Variants in LPP observed in about 807,000 individuals in gnomAD.
The protein encoded by LPP is lipoma-preferred partner.
A neutral mutation model predicts 60.4 loss-of-function variants in LPP; 38 were observed. The observed-to-expected ratio is 0.63, with a 90% CI of 0.49 to 0.83. The LOEUF is 0.83. Ranked by LOEUF, LPP falls within the 40% of genes least tolerant of loss-of-function variation. LPP has a pLI of 0.00. For missense variants in LPP, 902 were observed against 783.6 expected (o/e 1.15, Z -1.80); for synonymous variants, 328 against 290.8 (o/e 1.13, Z -1.30).
chr3:188,712,394 C>G (rs533538411), intron 8 of LPP: 2 of 152,240 alleles, frequency 1.3e-5, no homozygotes, highest in African/African-American at 4.8e-5. Flanking sequence ...AAGAGAGTCA[C>G]AGATGTCAAG....
At chr3:188,640,276 C>G (rs1849781526) in intron 7 of LPP, among the ~76,000 whole-genome samples, 1 of 150,142 alleles carries the variant, frequency 6.7e-6, no homozygotes, top group African/African-American at 2.5e-5. Context: ...GAACAAAAAA[C>G]CAAACACCAC....
intron 8 of LPP, among the ~76,000 whole-genome samples, chr3:188,739,448 G>A (rs948938201): frequency 1.3e-5 from 2 of 152,022 alleles, no homozygotes; most frequent in African/African-American, 4.8e-5. Context: ...CATAGAGATT[G>A]GAAAACATGG....
chr3:188,500,818 G>A (rs970097872), intron 5 of LPP, among the ~76,000 whole-genome samples: 4 of 151,950 alleles, frequency 2.6e-5, no homozygotes, highest in East Asian at 1.9e-4. Flanking sequence ...CTGGGTTATC[G>A]AATTTTTTGC....
At chr3:188,862,741 G>A (rs201783802) in intron 9 of LPP, among the ~76,000 whole-genome samples, 24,111 of 100,764 alleles carry the variant, frequency 0.24, 3,816 homozygotes, top group East Asian at 0.79. Context: ...ATAAATAAAA[G>A]AAAAAAGAAA....
chr3:188,353,729 G>C (rs1766652135), intron 3 of LPP, among the ~76,000 whole-genome samples: 1 of 152,156 alleles, frequency 6.6e-6, no homozygotes, highest in Non-Finnish European at 1.5e-5. Context: ...GGGGCCTCAG[G>C]TTTAAATGCT....
chr3:188,645,567 A>C (rs1239701072), intron 7 of LPP, among the ~76,000 whole-genome samples: 2 of 152,104 alleles, frequency 1.3e-5, no homozygotes, highest in African/African-American at 4.8e-5. Context: ...TTTCATTAGG[A>C]GACAAATGCG....
intron 1 of LPP, among the ~76,000 whole-genome samples, chr3:188,164,507 C>T (rs1489641396): frequency 6.6e-6 from 1 of 152,170 alleles, no homozygotes; most frequent in African/African-American, 2.4e-5. Context: ...TTGGTTGGCA[C>T]CTGGAGCTTC....
At chr3:188,792,847 A>G (rs933581016) in intron 9 of LPP, among the ~76,000 whole-genome samples, 3 of 152,182 alleles carry the variant, frequency 2.0e-5, no homozygotes, top group Non-Finnish European at 4.4e-5. Flanking sequence ...AGTAAGTATC[A>G]GCTGTATGGA....
In LPP at chr3:188,583,197, G is replaced by A. The variant is rs534328243; in HGVS notation, c.430-25964G>A. ...CTTTTTTGGTTTGTTTTCCACGTGC[G>A]AAATAGGAACAGTAATTGAACTTTT... On this transcript the variant is annotated intron_variant, in intron 6 of 11. Coordinates refer to ENST00000617246, the MANE Select transcript of LPP (RefSeq NM_001375462.1). Among the ~76,000 whole-genome samples the A allele has an allele frequency of 3.9e-5, 6 of 152,270 alleles. No individual in the cohort carries two copies. The South Asian group carries it at 1.0e-3, about 26-fold the overall frequency.
At chr3:188,673,905 T>C (rs1392198436) in intron 7 of LPP, among the ~76,000 whole-genome samples, 3 of 132,418 alleles carry the variant, frequency 2.3e-5, no homozygotes, top group Admixed American at 7.7e-5. Context: ...TTTTTTTTTT[T>C]CAAAGAAGAT....
chr3:188,285,888 G>T (rs777152879), intron 2 of LPP, among the ~76,000 whole-genome samples: 1 of 152,180 alleles, frequency 6.6e-6, no homozygotes, highest in Non-Finnish European at 1.5e-5. Flanking sequence ...GTTCAGCTTT[G>T]TCTGCATTGT....
At position 188,880,197 on chromosome 3, in the gene LPP, AT is replaced by A. The variant is rs961170977; in HGVS notation, c.*5725del. ...AGGCGCCTGCCACCACGCCCGGCTA[AT>A]TTTTTTGTATTTTTAGTAGAGATGG... On this transcript the variant is annotated 3_prime_UTR_variant, in exon 12 of 12. Transcript: ENST00000617246. 3 of 161,014 alleles carry A rather than the reference AT, an allele frequency of 1.9e-5. No homozygotes were observed. Among genetic ancestry groups the A allele is most frequent in the East Asian group, 1.4e-4 (1 of 7,128 alleles). 10.0% of individuals were successfully genotyped at this position (161,014 alleles called of 1,614,324 possible).
chr3:188,312,697 G>A (rs917249084), intron 2 of LPP: 2 of 152,010 alleles, frequency 1.3e-5, no homozygotes, highest in African/African-American at 2.4e-5. Context: ...GTTTATTGAG[G>A]AGTCCATCTC....
At chr3:188,390,530 A>G (rs1779442806) in intron 3 of LPP, among the ~76,000 whole-genome samples, 1 of 151,622 alleles carries the variant, frequency 6.6e-6, no homozygotes, top group Non-Finnish European at 1.5e-5. Flanking sequence ...TGAGGAAATT[A>G]AGGCTCAGTG....
chr3:188,511,485 T>A (rs528792888), intron 5 of LPP, among the ~76,000 whole-genome samples: 35 of 152,114 alleles, frequency 2.3e-4, no homozygotes, highest in African/African-American at 8.0e-4. Context: ...ATTGTAGCCA[T>A]GACCTAATTT....
chr3:188,824,514 C>T (rs1754860576), intron 9 of LPP, among the ~76,000 whole-genome samples: 1 of 152,094 alleles, frequency 6.6e-6, no homozygotes. Flanking sequence ...ATAGCACAGA[C>T]CTAGAATGAC....
chr3:188,501,132 T>C (rs1419306044), intron 5 of LPP, among the ~76,000 whole-genome samples: 1 of 152,192 alleles, frequency 6.6e-6, no homozygotes, highest in African/African-American at 2.4e-5. Flanking sequence ...TTTCACAATC[T>C]GTAGATTTAG....
chr3:188,355,072 G>C (rs906691567), intron 3 of LPP, among the ~76,000 whole-genome samples: 1 of 152,080 alleles, frequency 6.6e-6, no homozygotes, highest in African/African-American at 2.4e-5. Flanking sequence ...GCAGTGGCGT[G>C]ATCTCAGCTC....
chr3:188,257,946 T>A (rs1408246464), intron 2 of LPP, among the ~76,000 whole-genome samples: 1 of 152,242 alleles, frequency 6.6e-6, no homozygotes, highest in African/African-American at 2.4e-5. Context: ...CATTAAAGCC[T>A]GTAAATTGAA....
Sources: gnomAD v4.1 joint callset for allele counts (sites outside exome capture counted in the v4.1 genomes callset) on GRCh38, gnomAD v4.1.1 for gene constraint, MANE v1.5 for transcripts, NCBI Gene and HGNC (gene_info 2026-07-23, HGNC 2026-07-21) for gene names.